DDX20: variants seen among roughly 807,000 people sequenced by gnomAD.
DDX20 encodes the protein DEAD-box helicase 20.
DDX20 carries 61 observed loss-of-function variants against 76.4 expected under a neutral mutation model. The observed-to-expected ratio is 0.80, with a 90% CI of 0.65 to 0.99. The LOEUF is 0.99. Ranked by LOEUF, DDX20 falls within the 50% of genes least tolerant of loss-of-function variation. DDX20 has a pLI of 0.00. For synonymous variants in DDX20, 357 were observed against 357.4 expected (o/e 1.00, Z 0.01); for missense variants, 976 against 996.8 (o/e 0.98, Z 0.28).
At chr1:111,763,029 A>G in intron 10 of DDX20, 22 bp downstream of exon 10, 1 of 1,547,266 alleles carries the variant, frequency 6.5e-7, no homozygotes, top group Non-Finnish European at 8.9e-7. Flanking sequence ...CTGTTTCATT[A>G]TTTCAAAATA....
intron 2 of DDX20, among the ~76,000 whole-genome samples, chr1:111,757,511 A>G (rs2101414369): frequency 6.6e-6 from 1 of 152,300 alleles, no homozygotes; most frequent in East Asian, 1.9e-4. Flanking sequence ...TTACGTATAA[A>G]CAGTGTGCCA....
In DDX20 at chr1:111,767,053, A is replaced by G; in HGVS notation, c.*154A>G. ...CCACTGGGACACATCCATTTTTCAGATTGTTTTGATTTAGGCCAGGTATAT... is the reference window on the plus strand; with the variant it reads ...CCACTGGGACACATCCATTTTTCAGGTTGTTTTGATTTAGGCCAGGTATAT... On this transcript the variant is annotated 3_prime_UTR_variant, in exon 11 of 11. Coordinates refer to ENST00000369702, the MANE Select transcript of DDX20 (RefSeq NM_007204.5). The G allele has an allele frequency of 1.9e-6, 1 of 539,882 alleles. No individual in the cohort carries two copies. 33.4% of individuals were successfully genotyped at this position (539,882 alleles called of 1,614,324 possible).
chr1:111,761,144 T>A lies in DDX20; in HGVS notation c.962+19T>A, dbSNP rs1301204620. 1.9e-6 allele frequency: 3 copies of A among 1,611,992 alleles called. No homozygotes were observed. In the East Asian group the frequency reaches 6.7e-5, roughly 36 times the overall value. The stretch of plus-strand genomic sequence containing the variant: ...ACAGCAGGTAATGTAACTTAAAAGG[T>A]CATCTGGGGAACTTGTGAAATAAAA... On this transcript the variant is annotated intron_variant, in intron 6 of 10. Transcript: ENST00000369702.
chr1:111,766,636 C>G lies in DDX20; in HGVS notation c.2212C>G (p.Leu738Val), dbSNP rs1417128045. ...GAGAGCTAAGCAGAGCCGGAGAAACCTACCCAGGCGGTCTTCCTTCAGATT... is the reference window on the plus strand; with the variant it reads ...GAGAGCTAAGCAGAGCCGGAGAAACGTACCCAGGCGGTCTTCCTTCAGATT... ...SQRAKQSRRN[L>V]PRRSSFRLQT... Residue 738 changes from leucine (L) to valine (V), a missense_variant, in exon 11 of 11, where the codon CTA (leucine) becomes GTA (valine). Physicochemically the swap from Leu to Val is conservative, Grantham distance 32. Transcript: ENST00000369702. 4 of 1,614,068 alleles carry G rather than the reference C, an allele frequency of 2.5e-6. No homozygotes were observed. In the African/African-American group the frequency reaches 5.3e-5, roughly 22 times the overall value.
chr1:111,758,866 G>A (rs1371695452), intron 2 of DDX20, among the ~76,000 whole-genome samples: 1 of 151,926 alleles, frequency 6.6e-6, no homozygotes, highest in African/African-American at 2.4e-5. Context: ...TTGATTCCCC[G>A]GCAACTAGTA....
In DDX20 at chr1:111,767,086, A is replaced by AT; in HGVS notation, c.*192dup. The AT allele has an allele frequency of 2.3e-6, 1 of 428,920 alleles. No individual in the cohort carries two copies. Among genetic ancestry groups the AT allele is most frequent in the Non-Finnish European group, 4.1e-6 (1 of 243,398 alleles). 26.6% of individuals were successfully genotyped at this position (428,920 alleles called of 1,614,324 possible). A position where few individuals can be genotyped will look rare whatever the true frequency, so the allele number is the denominator to read the frequency against. ...GATTTAGGCCAGGTATATTATCTTC[A>AT]TTTTTAAGAGTTTCTTTAAGAAACT... On this transcript the variant is annotated 3_prime_UTR_variant, in exon 11 of 11. Coordinates refer to ENST00000369702, the MANE Select transcript of DDX20 (RefSeq NM_007204.5).
intron 2 of DDX20, 150 bp downstream of exon 2, chr1:111,756,890 C>T: frequency 1.6e-6 from 1 of 635,596 alleles, no homozygotes. Flanking sequence ...ATTTTCTATG[C>T]GTACCTTATT....
chr1:111,760,407 C>T (rs1663648153), intron 3 of DDX20, 67 bp from the exon 4 acceptor site: 3 of 1,100,548 alleles, frequency 2.7e-6, no homozygotes, highest in Non-Finnish European at 4.0e-6. Context: ...AGTAGAGTAA[C>T]AATATTGGCT....
Position 111,762,328 on chromosome 1 carries a change from C to G in DDX20, c.1095C>G (p.Ser365=). The change falls in exon 8 of 11, where the codon TCC becomes TCG. Residue 365 remains serine, a synonymous_variant. Transcript: ENST00000369702. ...ACTTTCATTGCAGAGTCCTCATTTC[C>G]ACAGATTTGGTAAATTTCCTATTCA... ...LKHFHCRVLI[S]TDLTSRGIDA... is the part of the protein sequence containing the mutation. 2 of 1,612,902 alleles carry G rather than the reference C, an allele frequency of 1.2e-6. No homozygotes were observed. The highest frequency in any genetic ancestry group is 2.7e-5 in the African/African-American group (2 of 74,966).
At chr1:111,760,250 G>A (rs1002695124) in intron 3 of DDX20, 5 of 408,254 alleles carry the variant, frequency 1.2e-5, no homozygotes, top group Non-Finnish European at 1.7e-5. Flanking sequence ...TGATAGAAAT[G>A]GTGTTTATTT....
intron 8 of DDX20, 29 bp from the exon 9 acceptor site, chr1:111,762,648 C>T (rs996532842): frequency 1.3e-6 from 2 of 1,572,122 alleles, no homozygotes; most frequent in African/African-American, 1.4e-5. Flanking sequence ...TTAATGCAAA[C>T]AAATAATTGC....
At chr1:111,759,975 A>G (rs1157863794) in intron 3 of DDX20, among the ~76,000 whole-genome samples, 2 of 100,950 alleles carry the variant, frequency 2.0e-5, no homozygotes, top group Non-Finnish European at 3.7e-5. Context: ...CTCCATCTCA[A>G]AAAAAAAAAA....
chr1:111,763,126 T>G lies in DDX20; in HGVS notation c.1312+119T>G, dbSNP rs1016377458. The stretch of plus-strand genomic sequence containing the variant: ...GCTGGGTACTGTTCCCAGTCCTGTA[T>G]GTACGTTAACTCATTTACTTCTCAC... On this transcript the variant is annotated intron_variant, in intron 10 of 10. Transcript: ENST00000369702. 5.7e-5 allele frequency: 43 copies of G among 756,976 alleles called. 1 individual carries two copies. The South Asian group carries it at 5.8e-4, about 10-fold the overall frequency. The allele number at this position is 756,976 out of a possible 1,614,324, so 46.9% of individuals were successfully genotyped here.
intron 3 of DDX20, 147 bp downstream of exon 3, chr1:111,759,715 C>A (rs1467642100): frequency 3.6e-6 from 3 of 832,520 alleles, no homozygotes; most frequent in Non-Finnish European, 5.3e-6. Context: ...TGGCTCACGC[C>A]TGTAATCCCA....
chr1:111,762,207 G>A, intron 7 of DDX20, 48 bp from the exon 8 acceptor site: 1 of 1,470,744 alleles, frequency 6.8e-7, no homozygotes. Flanking sequence ...GGATAAATAT[G>A]TATTAGCTTA....
Position 111,766,143 on chromosome 1 carries a change from C to G in DDX20, c.1719C>G (p.Pro573=), listed in dbSNP as rs759586963. Residue 573 remains proline (P), a synonymous_variant, in exon 11 of 11, where the codon CCC becomes CCG. Coordinates refer to ENST00000369702, the MANE Select transcript of DDX20 (RefSeq NM_007204.5). ...QVKEALPVSL[P]QIPCLSSFKI... is the part of the protein sequence containing the mutation. ...AAGAAGCTTTACCTGTGTCACTCCCCCAGATTCCTTGTCTGTCTTCCTTTA... is the reference window on the plus strand; with the variant it reads ...AAGAAGCTTTACCTGTGTCACTCCCGCAGATTCCTTGTCTGTCTTCCTTTA... 2 of 1,614,172 alleles carry G rather than the reference C, an allele frequency of 1.2e-6. No individual in the cohort carries two copies. Among genetic ancestry groups the G allele is most frequent in the Non-Finnish European group, 1.7e-6 (2 of 1,180,040 alleles).
intron 10 of DDX20, 34 bp from the exon 11 acceptor site, chr1:111,765,703 G>C (rs769841873): frequency 2.0e-6 from 3 of 1,523,098 alleles, no homozygotes; most frequent in East Asian, 2.3e-5. Context: ...AGTAGCTTGA[G>C]AATTTTAATA....
chr1:111,763,540 C>T (rs1663717800), intron 10 of DDX20, among the ~76,000 whole-genome samples: 2 of 151,084 alleles, frequency 1.3e-5, no homozygotes, highest in Admixed American at 6.6e-5. Context: ...CCATTGCACT[C>T]CAACCTGGGC....
Position 111,765,881 on chromosome 1 carries a change from A to G in DDX20, c.1457A>G (p.Gln486Arg). The G allele has an allele frequency of 6.2e-7, 1 of 1,614,224 alleles. No individual in the cohort carries two copies. The highest frequency in any genetic ancestry group is 8.5e-7 in the Non-Finnish European group (1 of 1,180,030). The change falls in exon 11 of 11, where the codon CAG (glutamine) becomes CGG (arginine). Residue 486 changes from glutamine (Q) to arginine (R), a missense_variant. Physicochemically the swap from Gln to Arg is conservative, Grantham distance 43. Transcript: ENST00000369702. Reference protein sequence around the residue: ...IQKIERTLQIQKAHGDHMASS... With the variant: ...IQKIERTLQIRKAHGDHMASS... The stretch of plus-strand genomic sequence containing the variant: ...AAAATAGAGAGAACCCTTCAAATTC[A>G]GAAAGCTCATGGTGACCACATGGCT...
Sources: allele counts gnomAD v4.1 joint callset (sites outside exome capture counted in the v4.1 genomes callset), GRCh38; gene constraint gnomAD v4.1.1; transcripts MANE v1.5; gene names NCBI Gene and HGNC (gene_info 2026-07-23, HGNC 2026-07-21).